The following PCLAF variants were observed in gnomAD, a reference collection of about 807,000 sequenced individuals.
The protein encoded by PCLAF is PCNA-associated factor.
A neutral mutation model predicts 15.1 loss-of-function variants in PCLAF; 12 were observed. That is an observed-to-expected ratio of 0.79 (90% CI 0.51 to 1.29). The LOEUF is 1.29. Among genes scored for constraint, PCLAF ranks in the 50% most tolerant of loss-of-function variants. The pLI is 0.00. For synonymous variants in PCLAF, 33 were observed against 47.1 expected (o/e 0.70, Z 1.22); for missense variants, 116 against 130.9 (o/e 0.89, Z 0.56).
intron 3 of PCLAF, among the ~76,000 whole-genome samples, chr15:64,369,013 A>G (rs1176074885): frequency 1.3e-5 from 2 of 152,206 alleles, no homozygotes; most frequent in Admixed American, 1.3e-4. Context: ...ACAGAGAACT[A>G]AAAGAAATTT....
chr15:64,367,048 C>A (rs1229491747), intron 3 of PCLAF, among the ~76,000 whole-genome samples: 1 of 151,842 alleles, frequency 6.6e-6, no homozygotes, highest in African/African-American at 2.4e-5. Context: ...AGGAGGATCA[C>A]TTCAAGGTTG....
chr15:64,368,548 T>C (rs577744286), intron 3 of PCLAF, among the ~76,000 whole-genome samples: 2 of 152,310 alleles, frequency 1.3e-5, no homozygotes, highest in East Asian at 3.8e-4. Flanking sequence ...GCTGGGAGTT[T>C]ACCCTGCCTT....
chr15:64,375,914 G>T (rs559715677), intron 3 of PCLAF, among the ~76,000 whole-genome samples: 2 of 152,280 alleles, frequency 1.3e-5, no homozygotes, highest in African/African-American at 2.4e-5. Flanking sequence ...AGAGTAAAAA[G>T]AATACTTTTT....
upstream of PCLAF, among the ~76,000 whole-genome samples, chr15:64,381,756 G>A (rs1328622741): frequency 6.6e-6 from 1 of 152,196 alleles, no homozygotes; most frequent in African/African-American, 2.4e-5. Flanking sequence ...AATTACAAAC[G>A]ATCTTCAAAA....
intron 2 of PCLAF, among the ~76,000 whole-genome samples, chr15:64,379,822 C>T (rs747218152): frequency 4.6e-5 from 7 of 152,042 alleles, no homozygotes; most frequent in Admixed American, 1.3e-4. Context: ...TTTCCTTTGC[C>T]GGGTTTCACT....
At chr15:64,385,548 C>A (rs1476999859), upstream of PCLAF, among the ~76,000 whole-genome samples, 2 of 151,858 alleles carry the variant, frequency 1.3e-5, no homozygotes, top group African/African-American at 2.4e-5. Context: ...TCGCTTGAAC[C>A]CGGGAGGCGG....
chr15:64,382,848 TG>T, upstream of PCLAF: 1 of 281,868 alleles, frequency 3.5e-6, no homozygotes, highest in South Asian at 3.1e-5. Context: ...AAAAATTAGC[TG>T]GGAGTGGCGG....
intron 1 of PCLAF, among the ~76,000 whole-genome samples, chr15:64,386,689 C>T (rs530344226): frequency 4.1e-4 from 62 of 152,076 alleles, no homozygotes; most frequent in African/African-American, 1.5e-3. Context: ...ATCCTCCCGC[C>T]TCGGCCTCCC....
At chr15:64,374,021 C>G (rs1036800532) in intron 3 of PCLAF, among the ~76,000 whole-genome samples, 6 of 151,166 alleles carry the variant, frequency 4.0e-5, no homozygotes, top group Non-Finnish European at 7.4e-5. Flanking sequence ...TTTCTTGATT[C>G]TTAAAAGTGA....
At position 64,381,055 on chromosome 15, in the gene PCLAF, A is replaced by C. The variant is rs1407065288; in HGVS notation, c.47-17T>G. On this transcript the variant is annotated splice_polypyrimidine_tract_variant and intron_variant, in intron 1 of 3. Transcript: ENST00000300035. ...CAGCCACCACTGTGAAGAGAGGCAA[A>C]AAAGGGTGTTCAGAAGGGGCAGGAG... The C allele has an allele frequency of 6.2e-7, 1 of 1,613,656 alleles. No individual in the cohort carries two copies. Among genetic ancestry groups the C allele is most frequent in the Admixed American group, 1.7e-5 (1 of 60,002 alleles).
At chr15:64,377,593 G>C (rs1465897599) in intron 2 of PCLAF, among the ~76,000 whole-genome samples, 2 of 129,534 alleles carry the variant, frequency 1.5e-5, no homozygotes, top group African/African-American at 5.8e-5. Flanking sequence ...ACATAAGATA[G>C]GACCATGTAG....
At chr15:64,385,621 T>C (rs1638510329), upstream of PCLAF, among the ~76,000 whole-genome samples, 1 of 149,050 alleles carries the variant, frequency 6.7e-6, no homozygotes, top group Non-Finnish European at 1.5e-5. Context: ...GGAAACTCCA[T>C]CTCAAAAAAA....
At chr15:64,385,396 C>T (rs963671063), upstream of PCLAF, among the ~76,000 whole-genome samples, 17 of 152,112 alleles carry the variant, frequency 1.1e-4, no homozygotes, top group African/African-American at 3.6e-4. Flanking sequence ...GAGGCCGAGG[C>T]GGGAGGATCA....
At chr15:64,377,899 C>T (rs1899677356) in intron 2 of PCLAF, among the ~76,000 whole-genome samples, 1 of 150,710 alleles carries the variant, frequency 6.6e-6, no homozygotes, top group Non-Finnish European at 1.5e-5. Flanking sequence ...TTACAGGCGC[C>T]CGCCACCACG....
exon 1 of PCLAF, chr15:64,387,509 T>G (rs1201098849): frequency 7.7e-7 from 1 of 1,302,846 alleles, no homozygotes; most frequent in Non-Finnish European, 9.9e-7. Context: ...ATTAAAAAGC[T>G]GGCCTCTCAG....
intron 2 of PCLAF, 142 bp from the exon 3 acceptor site, chr15:64,377,047 A>C (rs1351346274): frequency 1.5e-6 from 1 of 647,410 alleles, no homozygotes; most frequent in Non-Finnish European, 2.5e-6. Context: ...AAAGAATTAG[A>C]AAATGTGACA....
upstream of PCLAF, chr15:64,382,829 T>A (rs1324108396): frequency 7.1e-6 from 2 of 280,378 alleles, no homozygotes; most frequent in South Asian, 3.2e-5. Flanking sequence ...AAAATAAAAA[T>A]AAAAAATAAA....
At chr15:64,386,115 TA>T (rs1899930322), upstream of PCLAF, among the ~76,000 whole-genome samples, 3 of 152,088 alleles carry the variant, frequency 2.0e-5, no homozygotes, top group Admixed American at 1.3e-4. Context: ...ACTGAATAAA[TA>T]AACAGGTAAA....
At chr15:64,384,122 C>T, upstream of PCLAF, among the ~76,000 whole-genome samples, 1 of 152,060 alleles carries the variant, frequency 6.6e-6, no homozygotes, top group East Asian at 1.9e-4. Context: ...ACAATTTCTG[C>T]CTAAATTTAT....
Sources: gnomAD v4.1 joint callset for allele counts (sites outside exome capture counted in the v4.1 genomes callset) on GRCh38, gnomAD v4.1.1 for gene constraint, MANE v1.5 for transcripts, NCBI Gene and HGNC (gene_info 2026-07-23, HGNC 2026-07-21) for gene names.